The following CA10 variants were observed in gnomAD, a reference collection of about 807,000 sequenced individuals.
The protein encoded by CA10 is carbonic anhydrase-related protein 10.
In CA10, 14 loss-of-function variants were observed where a neutral mutation model predicts 44.2. The ratio of observed to expected loss-of-function variants is 0.32; its 90% CI spans 0.21 to 0.50. CA10 has a LOEUF of 0.50. Ranked by LOEUF, CA10 falls within the 20% of genes least tolerant of loss-of-function variation. CA10 has a pLI of 0.99. For synonymous variants in CA10, 159 were observed against 141.6 expected (o/e 1.12, Z -0.87); for missense variants, 350 against 409.7 (o/e 0.85, Z 1.26).
chr17:51,646,783 T>C (rs910591448), intron 6 of CA10, among the ~76,000 whole-genome samples: 1 of 152,182 alleles, frequency 6.6e-6, no homozygotes, highest in Non-Finnish European at 1.5e-5. Flanking sequence ...GCAAATCAAT[T>C]CATTTCTGCC....
intron 3 of CA10, among the ~76,000 whole-genome samples, chr17:51,851,056 C>T (rs578143344): frequency 1.3e-5 from 2 of 152,340 alleles, no homozygotes; most frequent in South Asian, 4.1e-4. Flanking sequence ...ATAGTAGCTT[C>T]TGAGGAGCAA....
intron 1 of CA10, among the ~76,000 whole-genome samples, chr17:52,113,149 G>A (rs1333609788): frequency 1.3e-5 from 2 of 152,178 alleles, no homozygotes; most frequent in Non-Finnish European, 2.9e-5. Context: ...GATTGGCTTA[G>A]AATATAAACC....
chr17:51,760,539 T>C (rs954297433), intron 3 of CA10, among the ~76,000 whole-genome samples: 5 of 152,172 alleles, frequency 3.3e-5, no homozygotes, highest in African/African-American at 7.2e-5. Flanking sequence ...CACTGGGAGA[T>C]GGCCTCTGGA....
chr17:51,672,691 T>A (rs1227255458), intron 4 of CA10, among the ~76,000 whole-genome samples: 2 of 152,196 alleles, frequency 1.3e-5, no homozygotes, highest in African/African-American at 4.8e-5. Flanking sequence ...ATAGCCTGCA[T>A]TATTTTAAGA....
At chr17:51,944,607 C>T (rs540646121) in intron 2 of CA10, among the ~76,000 whole-genome samples, 1 of 152,056 alleles carries the variant, frequency 6.6e-6, no homozygotes, top group Non-Finnish European at 1.5e-5. Context: ...TTGGTGCCAT[C>T]ATTAACATAA....
At chr17:51,640,037 G>A (rs1163233544) in intron 6 of CA10, among the ~76,000 whole-genome samples, 1 of 152,194 alleles carries the variant, frequency 6.6e-6, no homozygotes, top group African/African-American at 2.4e-5. Flanking sequence ...AGCTGGGCCA[G>A]TGCCCTCCTT....
chr17:52,144,904 GTTA>G (rs1214663236), intron 1 of CA10, among the ~76,000 whole-genome samples: 18 of 152,202 alleles, frequency 1.2e-4, no homozygotes, highest in Admixed American at 1.1e-3. Flanking sequence ...AAAAATAGGT[GTTA>G]TTGCCTCCAA....
At chr17:52,088,421 AGAG>A (rs1988176241) in intron 1 of CA10, among the ~76,000 whole-genome samples, 1 of 152,200 alleles carries the variant, frequency 6.6e-6, no homozygotes, top group Admixed American at 6.5e-5. Context: ...AAGTGACTCT[AGAG>A]GAGTATGTGC....
chr17:52,030,672 G>A (rs1986439252), intron 2 of CA10, among the ~76,000 whole-genome samples: 1 of 152,224 alleles, frequency 6.6e-6, no homozygotes, highest in Non-Finnish European at 1.5e-5. Context: ...TAAAATAGGT[G>A]GGGAAGATCT....
chr17:52,017,862 CA>C (rs1170112835), intron 2 of CA10, among the ~76,000 whole-genome samples: 1 of 152,102 alleles, frequency 6.6e-6, no homozygotes, highest in East Asian at 1.9e-4. Context: ...GGTCTCCCAC[CA>C]CAGGCCCAGA....
chr17:52,020,545 T>A (rs992476515), intron 2 of CA10, among the ~76,000 whole-genome samples: 2 of 152,080 alleles, frequency 1.3e-5, no homozygotes, highest in African/African-American at 4.8e-5. Flanking sequence ...GTCTTTATTT[T>A]GTCTTTACAC....
rs375477308 is a variant in CA10 at position 51,799,176 on chromosome 17, C to T, written c.280-51358G>A. ...AATATGGTTCTTGGAAGGCATGAAT[C>T]ACTTCTTTCATCTTTTTATCCTCAG... is the stretch of plus-strand genomic sequence containing the variant. On this transcript the variant is annotated intron_variant, in intron 3 of 8. Coordinates refer to ENST00000451037, the MANE Select transcript of CA10 (RefSeq NM_020178.5). 5.9e-5 allele frequency among the ~76,000 whole-genome samples: 9 copies of T among 152,328 alleles called. No homozygotes were observed. In the South Asian group the frequency reaches 1.9e-3, roughly 32 times the overall value.
chr17:52,148,855 C>A (rs1989644882), intron 1 of CA10, among the ~76,000 whole-genome samples: 1 of 152,132 alleles, frequency 6.6e-6, no homozygotes, highest in African/African-American at 2.4e-5. Flanking sequence ...ATGCCTGGCC[C>A]AGTGCCCACC....
Position 52,081,203 on chromosome 17 carries a change from A to T in CA10, c.62-8810T>A, listed in dbSNP as rs111547965. ...GAGGTAGTAAAGTGACTAGAAGAAC[A>T]TATGAGATTGTATGACAGTGATGGT... On this transcript the variant is annotated intron_variant, in intron 1 of 8. Coordinates refer to ENST00000451037, the MANE Select transcript of CA10 (RefSeq NM_020178.5). Among the ~76,000 whole-genome samples the T allele has an allele frequency of 3.1e-3, 470 of 152,364 alleles. 1 individual carries two copies. The Middle Eastern group carries it at 0.041, about 13-fold the overall frequency.
intron 3 of CA10, among the ~76,000 whole-genome samples, chr17:51,838,902 T>G (rs1350779303): frequency 6.6e-6 from 1 of 152,210 alleles, no homozygotes; most frequent in African/African-American, 2.4e-5. Context: ...CTTTATAGAC[T>G]CTATGAATAA....
intron 3 of CA10, among the ~76,000 whole-genome samples, chr17:51,764,718 C>T (rs544767525): frequency 6.6e-6 from 1 of 152,262 alleles, no homozygotes; most frequent in East Asian, 1.9e-4. Flanking sequence ...GAGGATGCTC[C>T]TAGCATCTCC....
intron 4 of CA10, among the ~76,000 whole-genome samples, chr17:51,660,329 A>C (rs1020792791): frequency 6.6e-6 from 1 of 152,228 alleles, no homozygotes; most frequent in Non-Finnish European, 1.5e-5. Context: ...AGTTTCTCCT[A>C]TGCACTTAAT....
chr17:51,830,369 A>C (rs1340301409), intron 3 of CA10, among the ~76,000 whole-genome samples: 5 of 152,072 alleles, frequency 3.3e-5, no homozygotes, highest in Non-Finnish European at 7.4e-5. Flanking sequence ...TCTCTCTCTC[A>C]ATCTCTTTTT....
chr17:51,811,811 C>A (rs1050361652), intron 3 of CA10, among the ~76,000 whole-genome samples: 1 of 152,196 alleles, frequency 6.6e-6, no homozygotes, highest in African/African-American at 2.4e-5. Flanking sequence ...TTACTAATTA[C>A]AGTTTTAACC....
Sources: gnomAD v4.1 joint callset for allele counts (sites outside exome capture counted in the v4.1 genomes callset) on GRCh38, gnomAD v4.1.1 for gene constraint, MANE v1.5 for transcripts, NCBI Gene and HGNC (gene_info 2026-07-23, HGNC 2026-07-21) for gene names.